KIRREL3: variants seen among roughly 807,000 people sequenced by gnomAD.
KIRREL3 encodes kirre like nephrin family adhesion molecule 3.
A neutral mutation model predicts 89.7 loss-of-function variants in KIRREL3; 36 were observed. The ratio of observed to expected loss-of-function variants is 0.40; its 90% CI spans 0.31 to 0.53. The LOEUF (loss-of-function observed/expected upper bound fraction) is 0.53. KIRREL3 is among the 20% of genes least tolerant of loss of function. The pLI, the probability that KIRREL3 is intolerant of heterozygous loss-of-function variation, is 0.49. For missense variants in KIRREL3, 864 were observed against 1,056.6 expected (o/e 0.82, Z 2.53); for synonymous variants, 445 against 441.4 (o/e 1.01, Z -0.10).
In KIRREL3 at chr11:126,780,794, G is replaced by A. The variant is rs1950304507; in HGVS notation, c.56-217882C>T. On this transcript the variant is annotated intron_variant, in intron 1 of 16. Coordinates refer to ENST00000525144, the MANE Select transcript of KIRREL3 (RefSeq NM_032531.4). This position sits in a 1 kb window ranked among gnomAD's most constrained non-coding sequence, Gnocchi z 5.3. ...TTACATGAAATCAACAAACATATATGGAGCTTTAAATATGCATCAAAAACA... is the reference window on the plus strand; with the variant it reads ...TTACATGAAATCAACAAACATATATAGAGCTTTAAATATGCATCAAAAACA... Among the ~76,000 whole-genome samples, 2 of 152,156 alleles carry A rather than the reference G, an allele frequency of 1.3e-5. No individual in the cohort carries two copies. The highest frequency in any genetic ancestry group is 1.3e-4 in the Admixed American group (2 of 15,280).
Position 126,704,215 on chromosome 11 carries a change from C to T in KIRREL3, c.56-141303G>A, listed in dbSNP as rs1591989791. On this transcript the variant is annotated intron_variant, in intron 1 of 16. Coordinates refer to ENST00000525144, the MANE Select transcript of KIRREL3 (RefSeq NM_032531.4). This position sits in a 1 kb window ranked among gnomAD's most constrained non-coding sequence, Gnocchi z 4.2. ...CATCCAGCTGAGCAACATGTATTTA[C>T]ACAGCACACACATTTGCATCATATC... Among the ~76,000 whole-genome samples the T allele has an allele frequency of 6.6e-6, 1 of 152,212 alleles. No homozygotes were observed. Among genetic ancestry groups the T allele is most frequent in the South Asian group, 2.1e-4 (1 of 4,826 alleles).
intron 3 of KIRREL3, among the ~76,000 whole-genome samples, chr11:126,524,100 G>A (rs978977476): frequency 1.3e-5 from 2 of 152,192 alleles, no homozygotes; most frequent in African/African-American, 4.8e-5. Context: ...AATTGCCTGG[G>A]TTCCAATGCC....
rs1956299667 is a variant in KIRREL3 at position 126,455,250 on chromosome 11, AAGG to A, written c.848+1096_848+1098del. On this transcript the variant is annotated intron_variant, in intron 7 of 16. Transcript: ENST00000525144. This position sits in a 1 kb window ranked among gnomAD's most constrained non-coding sequence, Gnocchi z 6.4. ...ATGGCAAGTTCCACGTGGCACCCAA[AAGG>A]AGGTGAGTCTGCCCTTGAGTGCCTC... 6.6e-6 allele frequency among the ~76,000 whole-genome samples: 1 copy of A among 152,166 alleles called. No individual in the cohort carries two copies. Among genetic ancestry groups the A allele is most frequent in the Admixed American group, 6.5e-5 (1 of 15,284 alleles).
chr11:126,502,501 T>C (rs1957893460), intron 4 of KIRREL3, among the ~76,000 whole-genome samples: 1 of 152,246 alleles, frequency 6.6e-6, no homozygotes, highest in Non-Finnish European at 1.5e-5. Flanking sequence ...AACCTCCCTC[T>C]GGAGAACCAT....
chr11:126,934,719 G>T (rs1255951266), intron 1 of KIRREL3, among the ~76,000 whole-genome samples: 1 of 152,044 alleles, frequency 6.6e-6, no homozygotes, highest in Non-Finnish European at 1.5e-5. Context: ...AATATACAAA[G>T]AACTCTTAAA....
chr11:126,544,730 G>C lies in KIRREL3; in HGVS notation c.134-18043C>G, dbSNP rs964258399. On this transcript the variant is annotated intron_variant, in intron 2 of 16. Transcript: ENST00000525144. The surrounding 1 kb of genome is among the most constrained non-coding windows in gnomAD (Gnocchi z 5.6). ...TGGAGAGTGCAGGGAGCTGTCCTTG[G>C]TTGGCAGCATCAAGATAATCGCCTA... Among the ~76,000 whole-genome samples, 14 of 152,122 alleles carry C rather than the reference G, an allele frequency of 9.2e-5. No homozygotes were observed. The highest frequency in any genetic ancestry group is 3.4e-4 in the African/African-American group (14 of 41,420).
intron 5 of KIRREL3, among the ~76,000 whole-genome samples, chr11:126,469,311 G>A (rs545841266): frequency 1.3e-5 from 2 of 152,364 alleles, no homozygotes; most frequent in African/African-American, 4.8e-5. Flanking sequence ...GTCCTTGGAG[G>A]CTGCCTGATT....
chr11:126,434,769 G>A (rs372036758), intron 13 of KIRREL3, among the ~76,000 whole-genome samples: 1 of 152,324 alleles, frequency 6.6e-6, no homozygotes, highest in African/African-American at 2.4e-5. Context: ...ACTTCCATGG[G>A]GACTGCAGGA....
rs965722609 is a variant in KIRREL3, at chr11:126,724,355, A to G, written c.56-161443T>C. ...CCCCAACTAGTACACACGCAGATCC[A>G]TGCACACCCACACACATGCACATGC... On this transcript the variant is annotated intron_variant, in intron 1 of 16. Transcript: ENST00000525144. This position sits in a 1 kb window ranked among gnomAD's most constrained non-coding sequence, Gnocchi z 4.3. Among the ~76,000 whole-genome samples the G allele has an allele frequency of 6.6e-6, 1 of 152,232 alleles. No homozygotes were observed. Among genetic ancestry groups the G allele is most frequent in the Non-Finnish European group, 1.5e-5 (1 of 68,044 alleles).
At position 126,531,393 on chromosome 11, in the gene KIRREL3, T is replaced by C. The variant is rs1958937972; in HGVS notation, c.134-4706A>G. Among the ~76,000 whole-genome samples, 1 of 152,210 alleles carries C rather than the reference T, an allele frequency of 6.6e-6. No individual in the cohort carries two copies. The highest frequency in any genetic ancestry group is 2.1e-4 in the South Asian group (1 of 4,830). ...TGGGACCTCTCATGGCTCTCCACTC[T>C]CTGCGGGACAACGCCCAACTTCCCA... On this transcript the variant is annotated intron_variant, in intron 2 of 16. Transcript: ENST00000525144. This position sits in a 1 kb window ranked among gnomAD's most constrained non-coding sequence, Gnocchi z 4.7.
At chr11:126,446,354 T>C (rs906167280) in intron 9 of KIRREL3, among the ~76,000 whole-genome samples, 1 of 125,984 alleles carries the variant, frequency 7.9e-6, no homozygotes, top group Non-Finnish European at 1.9e-5. Flanking sequence ...CTTCTTTTTT[T>C]TCCCCAAGGT....
At chr11:126,822,127 T>G (rs1943246518) in intron 1 of KIRREL3, among the ~76,000 whole-genome samples, 1 of 152,228 alleles carries the variant, frequency 6.6e-6, no homozygotes, top group Non-Finnish European at 1.5e-5. Context: ...GCAAGCCCCT[T>G]GATGTCTCTG....
intron 1 of KIRREL3, among the ~76,000 whole-genome samples, chr11:126,862,045 T>G (rs1014656776): frequency 7.9e-5 from 12 of 152,218 alleles, no homozygotes; most frequent in African/African-American, 2.9e-4. Flanking sequence ...TTAGCGGCCC[T>G]GAGGAATGAA....
chr11:126,962,356 A>T lies in KIRREL3; in HGVS notation c.55+38099T>A, dbSNP rs373305096. Among the ~76,000 whole-genome samples the T allele has an allele frequency of 8.3e-4, 127 of 152,300 alleles. 1 individual carries two copies. Among genetic ancestry groups the T allele is most frequent in the African/African-American group, 2.9e-3 (121 of 41,578 alleles). ...TAGGAGTTTGGAAGAAGTTGATTCC[A>T]ATCCTCACGGATGACTTTGAGGGGT... is the stretch of plus-strand genomic sequence containing the variant. On this transcript the variant is annotated intron_variant, in intron 1 of 16. Transcript: ENST00000525144.
chr11:126,928,421 G>A (rs545018738), intron 1 of KIRREL3, among the ~76,000 whole-genome samples: 11 of 152,320 alleles, frequency 7.2e-5, no homozygotes, highest in Admixed American at 5.2e-4. Flanking sequence ...AGCGATTCCC[G>A]GACATAGGTC....
chr11:126,543,649 G>T (rs557918353), intron 2 of KIRREL3, among the ~76,000 whole-genome samples: 2 of 152,252 alleles, frequency 1.3e-5, no homozygotes, highest in South Asian at 4.1e-4. Flanking sequence ...CTATAAAGCT[G>T]ATGGGAAGCC....
In KIRREL3 at chr11:126,492,930, C is replaced by G. The variant is rs1388326769; in HGVS notation, c.434-19464G>C. Among the ~76,000 whole-genome samples, 2 of 152,214 alleles carry G rather than the reference C, an allele frequency of 1.3e-5. No individual in the cohort carries two copies. ...GGGTGGAGGAATTAAGTTAGACATG[C>G]CGCAGAACTTCCTGGCCGTGGGCTG... On this transcript the variant is annotated intron_variant, in intron 4 of 16. Transcript: ENST00000525144. The surrounding 1 kb of genome is among the most constrained non-coding windows in gnomAD (Gnocchi z 4.8).
Position 126,640,609 on chromosome 11 carries a change from T to C in KIRREL3, c.56-77697A>G, listed in dbSNP as rs575988701. Among the ~76,000 whole-genome samples, 1 of 149,202 alleles carries C rather than the reference T, an allele frequency of 6.7e-6. No individual in the cohort carries two copies. The highest frequency in any genetic ancestry group is 1.9e-4 in the East Asian group (1 of 5,172). Reference sequence around the variant, plus strand: ...TCAGATTAATACACCTCATAGCATTTAGTCTGAACCTTACAGCATGGTCTT... The same window carrying C: ...TCAGATTAATACACCTCATAGCATTCAGTCTGAACCTTACAGCATGGTCTT... On this transcript the variant is annotated intron_variant, in intron 1 of 16. Coordinates refer to ENST00000525144, the MANE Select transcript of KIRREL3 (RefSeq NM_032531.4). The surrounding 1 kb of genome is among the most constrained non-coding windows in gnomAD (Gnocchi z 4.9).
rs183483853 is a variant in KIRREL3 at position 126,965,464 on chromosome 11, A to C, written c.55+34991T>G. On this transcript the variant is annotated intron_variant, in intron 1 of 16. Coordinates refer to ENST00000525144, the MANE Select transcript of KIRREL3 (RefSeq NM_032531.4). This position sits in a 1 kb window ranked among gnomAD's most constrained non-coding sequence, Gnocchi z 4.4. ...TCATTATCATCACATTCTAATTCTC[A>C]TACAATACCTCTTCTCAGTAACAAG... Among the ~76,000 whole-genome samples the C allele has an allele frequency of 6.6e-6, 1 of 152,246 alleles. No homozygotes were observed. Among genetic ancestry groups the C allele is most frequent in the Admixed American group, 6.5e-5 (1 of 15,284 alleles).
Sources: allele counts gnomAD v4.1 joint callset (sites outside exome capture counted in the v4.1 genomes callset), GRCh38; gene constraint gnomAD v4.1.1; non-coding constraint Gnocchi (gnomAD v3.1); transcripts MANE v1.5; gene names NCBI Gene and HGNC (gene_info 2026-07-23, HGNC 2026-07-21).